The following PTGER3 variants were observed in gnomAD, a reference collection of about 807,000 sequenced individuals.
PTGER3 encodes the protein prostaglandin E2 receptor EP3 subtype.
A neutral mutation model predicts 34.7 loss-of-function variants in PTGER3; 22 were observed. The ratio of observed to expected loss-of-function variants is 0.63; its 90% CI spans 0.45 to 0.91. The LOEUF is 0.91. Among genes scored for constraint, PTGER3 ranks in the 40% least tolerant of loss-of-function variants. The pLI, the probability that PTGER3 is intolerant of heterozygous loss-of-function variation, is 0.00. For synonymous variants in PTGER3, 241 were observed against 230.1 expected (o/e 1.05, Z -0.43); for missense variants, 468 against 519.4 (o/e 0.90, Z 0.96).
At chr1:70,882,112 G>A (rs1458826853) in intron 4 of PTGER3, among the ~76,000 whole-genome samples, 1 of 152,210 alleles carries the variant, frequency 6.6e-6, no homozygotes, top group African/African-American at 2.4e-5. Flanking sequence ...TGCCATCTCA[G>A]TGTTTCTCAG....
chr1:70,939,474 C>A (rs1649555471), intron 4 of PTGER3, among the ~76,000 whole-genome samples: 1 of 152,228 alleles, frequency 6.6e-6, no homozygotes, highest in Admixed American at 6.5e-5. Context: ...GGGCTCTGAC[C>A]CCACATTTCC....
intron 4 of PTGER3, among the ~76,000 whole-genome samples, chr1:70,897,413 T>C (rs1646744595): frequency 1.3e-5 from 2 of 152,138 alleles, no homozygotes; most frequent in Non-Finnish European, 2.9e-5. Context: ...CAATAACCAC[T>C]AAGTGATGAG....
At position 70,865,050 on chromosome 1, in the gene PTGER3, GA is replaced by G. The variant is rs139830862; in HGVS notation, c.*24-12192del. On this transcript the variant is annotated intron_variant, in intron 4 of 4. Transcript: ENST00000370931. ...AGTGTCATGTGGAAAGAGTGATAGG[GA>G]AAACATTACAGGTGATAGCATTTCA... 2.1e-3 allele frequency among the ~76,000 whole-genome samples: 323 copies of G among 152,016 alleles called. 1 individual carries two copies. Among genetic ancestry groups the G allele is most frequent in the Non-Finnish European group, 3.4e-3 (229 of 67,992 alleles).
chr1:70,971,116 A>G lies in PTGER3; in HGVS notation c.*614T>C, dbSNP rs1197696071. The G allele has an allele frequency of 2.0e-6, 2 of 985,372 alleles. No individual in the cohort carries two copies. Among genetic ancestry groups the G allele is most frequent in the African/African-American group, 1.7e-5 (1 of 57,346 alleles). The allele number at this position is 985,372 out of a possible 1,614,324, so 61.0% of individuals were successfully genotyped here. Reference sequence around the variant, plus strand: ...GCAGATTCCTGAGTTACTAAATGACACATAACTAGAATTGAGACTTAGGAA... The same window carrying G: ...GCAGATTCCTGAGTTACTAAATGACGCATAACTAGAATTGAGACTTAGGAA... On this transcript the variant is annotated 3_prime_UTR_variant, in exon 4 of 4. Transcript: ENST00000306666.
chr1:71,002,241 G>A (rs1346598065), intron 2 of PTGER3: 3 of 152,048 alleles, frequency 2.0e-5, no homozygotes. Flanking sequence ...TAGCCTTCGG[G>A]ACAGAGTAAG....
chr1:70,854,186 A>T (rs1210196957), intron 4 of PTGER3, among the ~76,000 whole-genome samples: 1 of 152,136 alleles, frequency 6.6e-6, no homozygotes, highest in African/African-American at 2.4e-5. Flanking sequence ...TGAAAAATTA[A>T]CCTACGAGAT....
At chr1:70,916,984 G>A (rs1647187153) in intron 4 of PTGER3, among the ~76,000 whole-genome samples, 1 of 151,868 alleles carries the variant, frequency 6.6e-6, no homozygotes. Context: ...TCAAATTGTG[G>A]TAATTACCTT....
chr1:70,973,406 C>A (rs1653348842), intron 3 of PTGER3, among the ~76,000 whole-genome samples: 1 of 152,030 alleles, frequency 6.6e-6, no homozygotes, highest in Non-Finnish European at 1.5e-5. Flanking sequence ...AAGTGGCACA[C>A]TATATATCTC....
Position 71,047,555 on chromosome 1 carries a change from C to A in PTGER3, c.23G>T (p.Gly8Val). Residue 8 changes from glycine (G) to valine (V), a missense_variant, in exon 1 of 4, where the codon GGA (glycine) becomes GTA (valine). Around this residue, in one of 5 missense-constraint regions of PTGER3, gnomAD observed 151 missense variants for 133.5 expected, o/e 1.13. Coordinates refer to ENST00000306666, the MANE Select transcript of PTGER3 (RefSeq NM_198719.2). ...GCGGGTGCAGAAGGGGGCATCCCCT[C>A]CGTAGCCCCGGGTCTCCTTCATGTT... MKETRGYGGDAPFCTRLN... is the reference protein window; with the variant it reads MKETRGYVGDAPFCTRLN... 6.4e-7 allele frequency: 1 copy of A among 1,559,912 alleles called. No individual in the cohort carries two copies.
At chr1:71,031,262 ACACAC>A (rs1488432183) in intron 1 of PTGER3, among the ~76,000 whole-genome samples, 2 of 151,738 alleles carry the variant, frequency 1.3e-5, no homozygotes, top group East Asian at 3.9e-4. Flanking sequence ...ACACACACAC[ACACAC>A]ACACACACAC....
intron 1 of PTGER3, among the ~76,000 whole-genome samples, 158 bp from the exon 2 acceptor site, chr1:71,012,642 T>C (rs915013367): frequency 7.9e-5 from 12 of 152,230 alleles, no homozygotes; most frequent in Admixed American, 5.9e-4. Context: ...CAGTCCTGAA[T>C]TATACAAGAC....
intron 4 of PTGER3, among the ~76,000 whole-genome samples, chr1:70,937,054 C>G (rs946302149): frequency 1.3e-5 from 2 of 152,142 alleles, no homozygotes; most frequent in Non-Finnish European, 2.9e-5. Flanking sequence ...AACTTGTACA[C>G]TTGAATAGGG....
intron 1 of PTGER3, among the ~76,000 whole-genome samples, chr1:71,037,558 T>C (rs1439052393): frequency 6.6e-6 from 1 of 152,240 alleles, no homozygotes; most frequent in Non-Finnish European, 1.5e-5. Flanking sequence ...TCCATTTGCA[T>C]ACATTTCTAT....
chr1:71,039,613 G>A (rs1176508520), intron 1 of PTGER3, among the ~76,000 whole-genome samples: 7 of 134,402 alleles, frequency 5.2e-5, no homozygotes, highest in Admixed American at 4.9e-4. Context: ...TTGCGCCACT[G>A]CACTCCAGCC....
intron 4 of PTGER3, among the ~76,000 whole-genome samples, chr1:70,900,185 A>G (rs1646806257): frequency 6.6e-6 from 1 of 152,086 alleles, no homozygotes; most frequent in South Asian, 2.1e-4. Context: ...ATTTTACTAA[A>G]TGATTTAACT....
chr1:71,009,573 G>C (rs543320506), intron 2 of PTGER3: 2 of 984,908 alleles, frequency 2.0e-6, no homozygotes, highest in East Asian at 1.1e-4. Context: ...ACTCAGCATA[G>C]TATATAAATT....
chr1:71,007,591 CT>C lies in PTGER3; in HGVS notation c.1077+4713del, dbSNP rs915997931. The stretch of plus-strand genomic sequence containing the variant: ...AAAATGGACAGGTTTTCCATCATAT[CT>C]TTTTCTATGTTCTCTGCCCCACCCA... On this transcript the variant is annotated intron_variant, in intron 2 of 3. Transcript: ENST00000306666. 11 of 985,190 alleles carry C rather than the reference CT, an allele frequency of 1.1e-5. No individual in the cohort carries two copies. The African/African-American group carries it at 1.9e-4, about 17-fold the overall frequency. 61.0% of individuals were successfully genotyped at this position (985,190 alleles called of 1,614,324 possible). A position where few individuals can be genotyped will look rare whatever the true frequency, so the allele number is the denominator to read the frequency against.
At chr1:70,876,284 T>G (rs1216627938) in intron 4 of PTGER3, among the ~76,000 whole-genome samples, 1 of 151,618 alleles carries the variant, frequency 6.6e-6, no homozygotes, top group South Asian at 2.1e-4. Flanking sequence ...TTAATGGGTT[T>G]TTTTTTTTTT....
chr1:71,020,082 A>G (rs1219259496), intron 1 of PTGER3, among the ~76,000 whole-genome samples: 1 of 152,186 alleles, frequency 6.6e-6, no homozygotes, highest in Non-Finnish European at 1.5e-5. Flanking sequence ...TTAATTATGT[A>G]ATTTGAAGGA....
Sources: gnomAD v4.1 joint callset for allele counts (sites outside exome capture counted in the v4.1 genomes callset) on GRCh38, gnomAD v4.1.1 for gene constraint, gnomAD v4.1.1 regional missense constraint, MANE v1.5 for transcripts, NCBI Gene and HGNC (gene_info 2026-07-23, HGNC 2026-07-21) for gene names.